The following GLP2R variants were observed in gnomAD, a reference collection of about 807,000 sequenced individuals.
GLP2R encodes glucagon like peptide 2 receptor, also known as glucagon-like peptide 2 receptor.
In GLP2R, 59 loss-of-function variants were observed where a neutral mutation model predicts 68.2. The observed-to-expected ratio is 0.87, with a 90% CI of 0.70 to 1.07. GLP2R has a LOEUF of 1.07. GLP2R is among the 50% of genes least tolerant of loss of function. GLP2R has a pLI of 0.00. For synonymous variants in GLP2R, 270 were observed against 265.4 expected, an observed-to-expected ratio of 1.02 and a Z score of -0.17; for missense variants, 548 against 677.4, an observed-to-expected ratio of 0.81 and a Z score of 2.12.
chr17:9,887,885 ATCT>A, intron 11 of GLP2R, 44 bp from the exon 12 acceptor site: 1 of 1,459,354 alleles, frequency 6.9e-7, no homozygotes, highest in Non-Finnish European at 9.6e-7. Flanking sequence ...TCTCAGACAC[ATCT>A]TCTCCGGAGT....
At chr17:9,854,668 A>G in intron 5 of GLP2R, 67 bp downstream of exon 5, 1 of 912,144 alleles carries the variant, frequency 1.1e-6, no homozygotes, top group South Asian at 1.3e-5. Context: ...TACAGGGGAT[A>G]TGTTCTAAGA....
At chr17:9,853,077 G>A (rs746697285) in intron 4 of GLP2R, 4 of 529,830 alleles carry the variant, frequency 7.5e-6, no homozygotes, top group Non-Finnish European at 1.1e-5. Flanking sequence ...CATTTTCAAA[G>A]TCGCCAGTGT....
chr17:9,842,566 A>T lies in GLP2R; in HGVS notation c.454A>T (p.Ile152Phe). Reference sequence around the variant, plus strand: ...GCAGACGATAGAGAACGCCACGGATATTTGGCAGGATGACTCCGAATGCTC... The same window carrying T: ...GCAGACGATAGAGAACGCCACGGATTTTTGGCAGGATGACTCCGAATGCTC... ...TWQTIENATD[I>F]WQDDSECSEN... The change falls in exon 4 of 13, where the codon ATT becomes TTT. Residue 152 changes from isoleucine (I) to phenylalanine (F), a missense_variant. Physicochemically the swap from Ile to Phe is conservative, Grantham distance 21 (BLOSUM62 0). Transcript: ENST00000262441. The T allele has an allele frequency of 6.2e-7, 1 of 1,614,042 alleles. No individual in the cohort carries two copies. Among genetic ancestry groups the T allele is most frequent in the Non-Finnish European group, 8.5e-7 (1 of 1,179,998 alleles).
At chr17:9,875,944 C>G (rs2067139004) in intron 10 of GLP2R, among the ~76,000 whole-genome samples, 1 of 152,194 alleles carries the variant, frequency 6.6e-6, no homozygotes, top group South Asian at 2.1e-4. Context: ...ATGGCACGAT[C>G]TTGGCTCAGC....
At chr17:9,845,306 C>T (rs944231133) in intron 4 of GLP2R, among the ~76,000 whole-genome samples, 2 of 152,198 alleles carry the variant, frequency 1.3e-5, no homozygotes, top group African/African-American at 4.8e-5. Context: ...TTCTTTAGCT[C>T]TCTAAAGTCA....
At position 9,826,106 on chromosome 17, in the gene GLP2R, G is replaced by A. The variant is rs146116783; in HGVS notation, c.43G>A (p.Ala15Thr). 85 of 1,612,894 alleles carry A rather than the reference G, an allele frequency of 5.3e-5. No homozygotes were observed. The highest frequency in any genetic ancestry group is 2.4e-4 in the African/African-American group (18 of 75,012). ...SSRAGPGRGS[A>T]GLLPGVHELP... is the part of the protein sequence containing the mutation. ...CAGGGCAGGGCCTGGGAGAGGAAGC[G>A]CGGGACTCCTGCCTGGCGTCCACGA... is the stretch of plus-strand genomic sequence containing the variant. Residue 15 changes from alanine (A) to threonine (T), a missense_variant, in exon 1 of 13, where the codon GCG (alanine) becomes ACG (threonine). Physicochemically the swap from Ala to Thr is moderately conservative, Grantham distance 58. Coordinates refer to ENST00000262441, the MANE Select transcript of GLP2R (RefSeq NM_004246.3).
intron 9 of GLP2R, among the ~76,000 whole-genome samples, chr17:9,869,093 T>C (rs1300792715): frequency 6.6e-6 from 1 of 152,204 alleles, no homozygotes; most frequent in African/African-American, 2.4e-5. Flanking sequence ...TGACTCATAC[T>C]TCTTCATCAT....
intron 10 of GLP2R, among the ~76,000 whole-genome samples, chr17:9,871,855 G>C (rs2067097478): frequency 6.6e-6 from 1 of 151,226 alleles, no homozygotes; most frequent in East Asian, 2.0e-4. Context: ...CTCCTGAGTA[G>C]CTGGGATTAC....
intron 4 of GLP2R, among the ~76,000 whole-genome samples, chr17:9,851,409 A>AACAAACC (rs1483216615): frequency 1.3e-5 from 2 of 152,360 alleles, no homozygotes; most frequent in Non-Finnish European, 2.9e-5. Context: ...CTATTTGTGA[A>AACAAACC]ACAAACCACA....
intron 1 of GLP2R, among the ~76,000 whole-genome samples, chr17:9,831,106 G>T (rs560434673): frequency 6.6e-5 from 10 of 152,310 alleles, no homozygotes; most frequent in African/African-American, 1.9e-4. Context: ...CTGTGTGATT[G>T]TTGCTGCACT....
intron 9 of GLP2R, among the ~76,000 whole-genome samples, chr17:9,865,475 T>C (rs1417379073): frequency 6.6e-6 from 1 of 152,190 alleles, no homozygotes; most frequent in Non-Finnish European, 1.5e-5. Context: ...GTTTAATGGG[T>C]CACTATTTCC....
At chr17:9,845,602 C>T (rs1243658574) in intron 4 of GLP2R, among the ~76,000 whole-genome samples, 4 of 152,130 alleles carry the variant, frequency 2.6e-5, no homozygotes, top group Admixed American at 2.6e-4. Context: ...CTTCCCTGGA[C>T]CCTACAAACA....
intron 12 of GLP2R, among the ~76,000 whole-genome samples, chr17:9,889,059 T>G (rs1039595136): frequency 3.9e-5 from 6 of 152,178 alleles, no homozygotes; most frequent in East Asian, 3.9e-4. Context: ...CACTGCTGCT[T>G]CTTCTGTATC....
At chr17:9,834,003 G>A (rs1186132761) in intron 2 of GLP2R, 109 bp downstream of exon 2, 1 of 768,318 alleles carries the variant, frequency 1.3e-6, no homozygotes, top group African/African-American at 1.7e-5. Context: ...CTGTGGGTGA[G>A]GAATTCAGAC....
chr17:9,851,684 A>G (rs553394264), intron 4 of GLP2R, among the ~76,000 whole-genome samples: 19 of 152,204 alleles, frequency 1.2e-4, no homozygotes, highest in Non-Finnish European at 2.5e-4. Context: ...GCAAAAAATG[A>G]TAACAGAGAA....
At chr17:9,844,502 C>T (rs972460321) in intron 4 of GLP2R, among the ~76,000 whole-genome samples, 13 of 151,674 alleles carry the variant, frequency 8.6e-5, no homozygotes, top group African/African-American at 2.2e-4. Flanking sequence ...AGGAGCAAAA[C>T]GGTAGGACCT....
chr17:9,872,837 G>A (rs2067107488), intron 10 of GLP2R, among the ~76,000 whole-genome samples: 1 of 152,202 alleles, frequency 6.6e-6, no homozygotes, highest in East Asian at 1.9e-4. Flanking sequence ...TGTAGATATG[G>A]TTATAAATAT....
intron 4 of GLP2R, among the ~76,000 whole-genome samples, chr17:9,842,872 C>T (rs1178642154): frequency 6.6e-6 from 1 of 152,196 alleles, no homozygotes; most frequent in African/African-American, 2.4e-5. Flanking sequence ...GCTTGCTGTT[C>T]CCCGTGCCTG....
At chr17:9,886,930 A>G (rs2067248395) in intron 11 of GLP2R, among the ~76,000 whole-genome samples, 1 of 152,204 alleles carries the variant, frequency 6.6e-6, no homozygotes, top group Non-Finnish European at 1.5e-5. Flanking sequence ...CCCTGCACAC[A>G]CATCCAGTTC....
Sources: gnomAD v4.1 joint callset for allele counts (sites outside exome capture counted in the v4.1 genomes callset) on GRCh38, gnomAD v4.1.1 for gene constraint, MANE v1.5 for transcripts, NCBI Gene and HGNC (gene_info 2026-07-23, HGNC 2026-07-21) for gene names.